The following NOS1 variants were observed in gnomAD, a reference collection of about 807,000 sequenced individuals.
NOS1 encodes the protein nitric oxide synthase 1, also known as NOS type I.
Under a neutral mutation model 164.5 loss-of-function variants are expected in NOS1, and 51 were observed. The ratio of observed to expected loss-of-function variants is 0.31; its 90% CI spans 0.25 to 0.39. The LOEUF is 0.39. Ranked by LOEUF, NOS1 falls within the 10% of genes least tolerant of loss-of-function variation. The pLI is 1.00. For synonymous variants in NOS1, 719 were observed against 745.8 expected (o/e 0.96, Z 0.59); for missense variants, 1,362 against 1,885.6 (o/e 0.72, Z 5.14).
chr12:117,330,262 C>T lies in NOS1; in HGVS notation c.725+83G>A. 6.7e-7 allele frequency: 1 copy of T among 1,495,516 alleles called. No individual in the cohort carries two copies. The highest frequency in any genetic ancestry group is 2.3e-5 in the East Asian group (1 of 43,520). The allele number at this position is 1,495,516 out of a possible 1,614,324, so 92.6% of individuals were successfully genotyped here. On this transcript the variant is annotated intron_variant, in intron 2 of 28. Coordinates refer to ENST00000317775, the MANE Select transcript of NOS1 (RefSeq NM_000620.5). The surrounding 1 kb of genome is among the most constrained non-coding windows in gnomAD (Gnocchi z 4.6). The stretch of plus-strand genomic sequence containing the variant: ...CCAGGTTGGCTTCTGGGCTATGAGG[C>T]TGAGTCTCAGTAGACGCACATGCAC...
In NOS1 at chr12:117,316,210, C is replaced by T. The variant is rs112027770; in HGVS notation, c.726-4618G>A. Among the ~76,000 whole-genome samples the T allele has an allele frequency of 3.0e-3, 452 of 152,230 alleles. 2 individuals are homozygous for T. Among genetic ancestry groups the T allele is most frequent in the African/African-American group, 0.01 (433 of 41,528 alleles). On this transcript the variant is annotated intron_variant, in intron 2 of 28. Transcript: ENST00000317775. ...CCAAAGACTGGGAATTGAAGGCACA[C>T]GTGGCTCCAACCAGGGGGCATCTTT...
intron 22 of NOS1, among the ~76,000 whole-genome samples, chr12:117,229,237 TG>T (rs1284197847): frequency 6.6e-6 from 1 of 152,204 alleles, no homozygotes; most frequent in African/African-American, 2.4e-5. Context: ...TCCATCACCC[TG>T]TTGGTGCCAG....
rs1875583506 is a variant in NOS1 at position 117,332,242 on chromosome 12, T to A, written c.-420-753A>T. ...CCCAAAGACTAAACACGGCAGACACTTTTTGAGCACGTTCGCTCTTAACAC... is the reference window on the plus strand; with the variant it reads ...CCCAAAGACTAAACACGGCAGACACATTTTGAGCACGTTCGCTCTTAACAC... On this transcript the variant is annotated intron_variant, in intron 1 of 28. Coordinates refer to ENST00000317775, the MANE Select transcript of NOS1 (RefSeq NM_000620.5). Among the ~76,000 whole-genome samples, 3 of 152,140 alleles carry A rather than the reference T, an allele frequency of 2.0e-5. No homozygotes were observed. In the South Asian group the frequency reaches 6.2e-4, roughly 32 times the overall value.
chr12:117,351,879 G>A (rs916296247), intron 1 of NOS1, among the ~76,000 whole-genome samples: 1 of 152,194 alleles, frequency 6.6e-6, no homozygotes, highest in African/African-American at 2.4e-5. Context: ...ATCCAGAGGG[G>A]TCTAAAGTGT....
At chr12:117,219,456 G>A (rs949567433) in intron 27 of NOS1, among the ~76,000 whole-genome samples, 6 of 151,930 alleles carry the variant, frequency 3.9e-5, no homozygotes, top group East Asian at 1.9e-4. Context: ...ACAGGTGCCC[G>A]CCACCATAGC....
chr12:117,274,351 T>C (rs141058691), intron 9 of NOS1, among the ~76,000 whole-genome samples: 1 of 152,294 alleles, frequency 6.6e-6, no homozygotes, highest in African/African-American at 2.4e-5. Flanking sequence ...GGAACTCTCA[T>C]ACACTGTTGG....
At chr12:117,360,305 A>G (rs1219736320) in intron 1 of NOS1, among the ~76,000 whole-genome samples, 1 of 152,012 alleles carries the variant, frequency 6.6e-6, no homozygotes, top group Admixed American at 6.5e-5. Context: ...CGCAGTCCCG[A>G]GAGAGCCCCT....
chr12:117,212,956 G>A lies in NOS1; in HGVS notation c.*2353C>T. ...AAGCAGCTTGTGTTGGGGATTGAAA[G>A]GTGTTTACTTAAAAAAAAATCTTTC... On this transcript the variant is annotated 3_prime_UTR_variant, in exon 29 of 29. Coordinates refer to ENST00000317775, the MANE Select transcript of NOS1 (RefSeq NM_000620.5). 1.0e-6 allele frequency: 1 copy of A among 985,256 alleles called. No homozygotes were observed. The highest frequency in any genetic ancestry group is 4.7e-5 in the South Asian group (1 of 21,282). 61.0% of individuals were successfully genotyped at this position (985,256 alleles called of 1,614,324 possible).
At chr12:117,353,254 A>C (rs560122137) in intron 1 of NOS1, among the ~76,000 whole-genome samples, 1 of 149,038 alleles carries the variant, frequency 6.7e-6, no homozygotes, top group Non-Finnish European at 1.5e-5. Context: ...TCAATCATCT[A>C]TCTACCTACC....
rs1184700691 is a variant in NOS1, at chr12:117,208,335, A to G, written c.*6974T>C. On this transcript the variant is annotated 3_prime_UTR_variant, in exon 29 of 29. Transcript: ENST00000317775. ...GTGCTGGAGCACAGGGACACTTGGC[A>G]GAGATTAGCAGCATTGAGAGCTCAG... 1 of 1,288,128 alleles carries G rather than the reference A, an allele frequency of 7.8e-7. No homozygotes were observed. Among genetic ancestry groups the G allele is most frequent in the Non-Finnish European group, 1.0e-6 (1 of 988,652 alleles). The allele number at this position is 1,288,128 out of a possible 1,614,324, so 79.8% of individuals were successfully genotyped here.
At chr12:117,230,987 G>A (rs185465155) in intron 22 of NOS1, among the ~76,000 whole-genome samples, 46 of 152,206 alleles carry the variant, frequency 3.0e-4, no homozygotes, top group Admixed American at 1.7e-3. Context: ...AGGAGTGGGG[G>A]AAAGTGGAGA....
At position 117,263,894 on chromosome 12, in the gene NOS1, T is replaced by C. The variant is rs985310793; in HGVS notation, c.2217A>G (p.Leu739=). Residue 739 remains leucine (L), a synonymous_variant, in exon 13 of 29, where the codon CTA becomes CTG. Coordinates refer to ENST00000317775, the MANE Select transcript of NOS1 (RefSeq NM_000620.5). ...TKRRAIGFKK[L]AEAVKFSAKL... ...GCCCACTGCACGAAACTTACTCTGC[T>C]AGCTTCTTGAAGCCAATGGCTCGCC... is the stretch of plus-strand genomic sequence containing the variant. The C allele has an allele frequency of 5.0e-6, 8 of 1,613,566 alleles. No homozygotes were observed. In the African/African-American group the frequency reaches 9.3e-5, roughly 19 times the overall value.
chr12:117,286,349 G>T, intron 5 of NOS1, 83 bp from the exon 6 acceptor site: 1 of 1,440,726 alleles, frequency 6.9e-7, no homozygotes, highest in South Asian at 1.3e-5. Context: ...ATTCCAAGAG[G>T]CTGGAAGCTA....
At chr12:117,258,532 G>C in intron 15 of NOS1, 77 bp from the exon 16 acceptor site, 1 of 1,450,466 alleles carries the variant, frequency 6.9e-7, no homozygotes, top group Non-Finnish European at 9.6e-7. Context: ...AGGGTCTGGG[G>C]TCCTGGCTGT....
At chr12:117,286,014 A>C in intron 6 of NOS1, 90 bp downstream of exon 6, 2 of 1,425,692 alleles carry the variant, frequency 1.4e-6, no homozygotes, top group Non-Finnish European at 1.9e-6. Context: ...TACCCTTGGT[A>C]GAAGCTTATC....
chr12:117,347,787 T>C (rs1216443091), intron 1 of NOS1, among the ~76,000 whole-genome samples: 1 of 152,148 alleles, frequency 6.6e-6, no homozygotes, highest in African/African-American at 2.4e-5. Flanking sequence ...CTGGGTTAAA[T>C]CTACTGAGAG....
chr12:117,331,549 G>A (rs1875549323), intron 1 of NOS1, 60 bp from the exon 2 acceptor site: 1 of 154,544 alleles, frequency 6.5e-6, no homozygotes, highest in African/African-American at 2.4e-5. Context: ...GAAGTAGAGT[G>A]CCCAACACCA....
intron 7 of NOS1, 43 bp from the exon 8 acceptor site, chr12:117,280,909 T>C: frequency 6.2e-7 from 1 of 1,602,038 alleles, no homozygotes; most frequent in South Asian, 1.1e-5. Context: ...GGGCGGGACT[T>C]GCGCTGTGGG....
chr12:117,306,529 G>C (rs1874154683), intron 3 of NOS1, among the ~76,000 whole-genome samples: 1 of 152,012 alleles, frequency 6.6e-6, no homozygotes, highest in African/African-American at 2.4e-5. Context: ...AACTCAGCAA[G>C]TGTCTCAGGT....
Sources: allele counts gnomAD v4.1 joint callset (sites outside exome capture counted in the v4.1 genomes callset), GRCh38; gene constraint gnomAD v4.1.1; non-coding constraint Gnocchi (gnomAD v3.1); transcripts MANE v1.5; gene names NCBI Gene and HGNC (gene_info 2026-07-23, HGNC 2026-07-21).